The following AXIN1 variants were observed in gnomAD, a reference collection of about 807,000 sequenced individuals.
The protein encoded by AXIN1 is axin-1.
AXIN1 carries 30 observed loss-of-function variants against 76.4 expected under a neutral mutation model. The ratio of observed to expected loss-of-function variants is 0.39; its 90% confidence interval spans 0.29 to 0.53. The LOEUF is 0.53. Among genes scored for constraint, AXIN1 ranks in the 20% least tolerant of loss-of-function variants. AXIN1 has a pLI of 0.66. For synonymous variants in AXIN1, 545 were observed against 501.4 expected, an observed-to-expected ratio of 1.09 and a Z score of -1.16; for missense variants, 1,140 against 1,198.8, an observed-to-expected ratio of 0.95 and a Z score of 0.72.
intron 4 of AXIN1, among the ~76,000 whole-genome samples, chr16:309,151 A>C (rs2053106010): frequency 6.6e-6 from 1 of 152,110 alleles, no homozygotes; most frequent in South Asian, 2.1e-4. Flanking sequence ...TAATACGGTG[A>C]AACCCCATCT....
chr16:296,244 C>T (rs1197807039), intron 7 of AXIN1, among the ~76,000 whole-genome samples: 1 of 152,264 alleles, frequency 6.6e-6, no homozygotes, highest in Non-Finnish European at 1.5e-5. Context: ...AGGAGGGCCA[C>T]GCCCCAGGCG....
At chr16:341,769 G>C (rs1313171289) in intron 2 of AXIN1, among the ~76,000 whole-genome samples, 2 of 152,228 alleles carry the variant, frequency 1.3e-5, no homozygotes, top group Non-Finnish European at 1.5e-5. Context: ...TACACCAATC[G>C]GCACTCTGTA....
In AXIN1 at chr16:305,539, T is replaced by C. The variant is rs573640550; in HGVS notation, c.1117-1098A>G. ...ATATACCATATAGCTTGTTTGTTTT[T>C]GGTTTTTTTTGTTTTTGTTTTTGAG... On this transcript the variant is annotated intron_variant, in intron 4 of 10. Transcript: ENST00000262320. 3.3e-5 allele frequency among the ~76,000 whole-genome samples: 5 copies of C among 152,216 alleles called. No homozygotes were observed. The East Asian group carries it at 9.7e-4, about 29-fold the overall frequency.
At chr16:323,779 C>T (rs545151126) in intron 2 of AXIN1, among the ~76,000 whole-genome samples, 12 of 149,646 alleles carry the variant, frequency 8.0e-5, no homozygotes, top group African/African-American at 2.7e-4. Flanking sequence ...GACTCCACCA[C>T]ACACACACAC....
At chr16:324,758 T>A (rs1490081056) in intron 2 of AXIN1, among the ~76,000 whole-genome samples, 1 of 152,030 alleles carries the variant, frequency 6.6e-6, no homozygotes, top group Non-Finnish European at 1.5e-5. Context: ...GCGACCTGCA[T>A]CCCGACCCCC....
intron 7 of AXIN1, among the ~76,000 whole-genome samples, 156 bp downstream of exon 7, chr16:296,900 G>A (rs987577390): frequency 2.6e-5 from 4 of 152,184 alleles, no homozygotes; most frequent in African/African-American, 7.2e-5. Flanking sequence ...GGAGCCTGCT[G>A]GAGGGTGCCC....
At chr16:298,985 T>C (rs1304854715) in intron 5 of AXIN1, 15 of 719,930 alleles carry the variant, frequency 2.1e-5, no homozygotes, top group Non-Finnish European at 2.6e-5. Context: ...GCCAGGCTGG[T>C]CTCGAACTCC....
chr16:328,494 G>A (rs375190011), intron 2 of AXIN1, among the ~76,000 whole-genome samples: 44 of 149,880 alleles, frequency 2.9e-4, no homozygotes, highest in African/African-American at 9.6e-4. Flanking sequence ...TTGGGAGTTC[G>A]CAACCAGCCT....
intron 1 of AXIN1, among the ~76,000 whole-genome samples, chr16:352,030 C>T (rs1464682667): frequency 6.6e-6 from 1 of 152,138 alleles, no homozygotes; most frequent in Non-Finnish European, 1.5e-5. Flanking sequence ...GGCACGCGGC[C>T]TCGGCGAGGG....
At chr16:352,299 C>A in intron 1 of AXIN1, 70 bp downstream of exon 1, 3 of 919,834 alleles carry the variant, frequency 3.3e-6, no homozygotes, top group Non-Finnish European at 3.9e-6. Context: ...CCCGCGCCCC[C>A]CGCCGCTTCC....
chr16:310,172 T>A, intron 3 of AXIN1, 103 bp from the exon 4 acceptor site: 2 of 1,009,592 alleles, frequency 2.0e-6, no homozygotes, highest in Non-Finnish European at 3.0e-6. Context: ...CAGGCAATGA[T>A]GAGGACACCT....
At chr16:341,698 C>T (rs1336392565) in intron 2 of AXIN1, among the ~76,000 whole-genome samples, 1 of 152,272 alleles carries the variant, frequency 6.6e-6, no homozygotes, top group Non-Finnish European at 1.5e-5. Context: ...GTGAAGCCAG[C>T]TGGGCTCCTG....
chr16:311,191 G>A (rs1477561540), intron 3 of AXIN1, among the ~76,000 whole-genome samples: 5 of 151,308 alleles, frequency 3.3e-5, no homozygotes, highest in East Asian at 2.0e-4. Context: ...CACCACGCCC[G>A]GCTAATTTTT....
intron 7 of AXIN1, among the ~76,000 whole-genome samples, chr16:294,211 A>G (rs2052646342): frequency 6.6e-6 from 1 of 152,062 alleles, no homozygotes; most frequent in Non-Finnish European, 1.5e-5. Flanking sequence ...TGTAATCCCA[A>G]TACTCTGGGA....
At chr16:345,608 G>A (rs1199007390) in intron 2 of AXIN1, among the ~76,000 whole-genome samples, 1 of 152,112 alleles carries the variant, frequency 6.6e-6, no homozygotes, top group South Asian at 2.1e-4. Context: ...CAGCTACTCA[G>A]GAGGCTGAGG....
chr16:305,730 G>A (rs554923909), intron 4 of AXIN1, among the ~76,000 whole-genome samples: 4 of 152,170 alleles, frequency 2.6e-5, no homozygotes, highest in Admixed American at 6.5e-5. Flanking sequence ...ATTTTTAGTA[G>A]AGACAGGATT....
Position 297,105 on chromosome 16 carries a change from T to C in AXIN1, c.1906A>G (p.Ile636Val). 1 of 1,612,814 alleles carries C rather than the reference T, an allele frequency of 6.2e-7. No individual in the cohort carries two copies. Among genetic ancestry groups the C allele is most frequent in the Non-Finnish European group, 8.5e-7 (1 of 1,179,926 alleles). ...AEKNQKIMQW[I>V]IEGEKEISRH... ...CTGATCTCCTTTTCCCCCTCAATGA[T>C]CCACTGCATGATTTTCTGGTTCTTC... Residue 636 changes from isoleucine (I) to valine (V), a missense_variant, in exon 7 of 11, where the codon ATC becomes GTC. Ile to Val is a conservative substitution (Grantham distance 29). Coordinates refer to ENST00000262320, the MANE Select transcript of AXIN1 (RefSeq NM_003502.4).
intron 5 of AXIN1, 102 bp from the exon 6 acceptor site, chr16:298,353 C>T (rs2052776899): frequency 6.7e-7 from 1 of 1,501,752 alleles, no homozygotes; most frequent in Non-Finnish European, 9.0e-7. Context: ...CAGATGCCGT[C>T]CCAGCCCAGG....
chr16:299,384 G>C (rs142775501), intron 5 of AXIN1, among the ~76,000 whole-genome samples: 2 of 152,180 alleles, frequency 1.3e-5, no homozygotes, highest in Non-Finnish European at 2.9e-5. Flanking sequence ...AGTCAGAGTC[G>C]CTCTGTCAGC....
Sources: allele counts gnomAD v4.1 joint callset (sites outside exome capture counted in the v4.1 genomes callset), GRCh38; gene constraint gnomAD v4.1.1; transcripts MANE v1.5; gene names NCBI Gene and HGNC (gene_info 2026-07-23, HGNC 2026-07-21).